SLC16A7: variants seen among roughly 807,000 people sequenced by gnomAD.
SLC16A7 encodes monocarboxylate transporter 2.
SLC16A7 carries 33 observed loss-of-function variants against 34.9 expected under a neutral mutation model. The observed-to-expected ratio is 0.94, with a 90% CI of 0.72 to 1.26. The LOEUF is 1.26. Ranked by LOEUF, SLC16A7 falls within the 50% of genes most tolerant of loss-of-function variation. The pLI is 0.00. For missense variants in SLC16A7, 573 were observed against 578.1 expected (o/e 0.99, Z 0.09); for synonymous variants, 201 against 206.6 (o/e 0.97, Z 0.23).
chr12:59,623,558 T>TAA (rs766533661), intron 1 of SLC16A7, among the ~76,000 whole-genome samples: 1 of 151,794 alleles, frequency 6.6e-6, no homozygotes, highest in Non-Finnish European at 1.5e-5. Flanking sequence ...TGTTGTCTTT[T>TAA]AAAAATTACA....
chr12:59,764,264 C>G (rs1881309862), intron 3 of SLC16A7, among the ~76,000 whole-genome samples: 1 of 152,156 alleles, frequency 6.6e-6, no homozygotes, highest in Non-Finnish European at 1.5e-5. Flanking sequence ...CCCTAACTGT[C>G]TTCAATTCTA....
chr12:59,643,825 C>A (rs75082035), intron 1 of SLC16A7, among the ~76,000 whole-genome samples: 1 of 152,112 alleles, frequency 6.6e-6, no homozygotes, highest in Non-Finnish European at 1.5e-5. Context: ...TGAAGAAAAT[C>A]GTGGTGTTAC....
chr12:59,765,552 G>A (rs1249444215), intron 3 of SLC16A7, among the ~76,000 whole-genome samples: 2 of 151,826 alleles, frequency 1.3e-5, no homozygotes, highest in East Asian at 3.9e-4. Flanking sequence ...TCTACATATG[G>A]CTAGCCAGTT....
chr12:59,633,797 C>A (rs1880297868), intron 1 of SLC16A7, among the ~76,000 whole-genome samples: 1 of 151,874 alleles, frequency 6.6e-6, no homozygotes, highest in African/African-American at 2.4e-5. Flanking sequence ...ACTTTAAAAC[C>A]ATCAGATCTC....
chr12:59,667,913 G>A (rs572912258), intron 2 of SLC16A7, among the ~76,000 whole-genome samples: 4 of 152,294 alleles, frequency 2.6e-5, no homozygotes, highest in Admixed American at 6.5e-5. Flanking sequence ...TGGCTAAAAC[G>A]GGCCAAGGTA....
At position 59,704,421 on chromosome 12, in the gene SLC16A7, T is replaced by C. The variant is rs1176579872; in HGVS notation, c.-30-351T>C. Among the ~76,000 whole-genome samples, 24 of 152,042 alleles carry C rather than the reference T, an allele frequency of 1.6e-4. 1 individual carries two copies. The highest frequency in any genetic ancestry group is 1.6e-3 in the Admixed American group (24 of 15,244). On this transcript the variant is annotated intron_variant, in intron 2 of 5. Coordinates refer to ENST00000547379, the MANE Select transcript of SLC16A7 (RefSeq NM_001270623.2). ...TATCAATTAATGAGGTTAAAACAAC[T>C]GGTGATTGAAGTAGAATATGTATCA... is the stretch of plus-strand genomic sequence containing the variant.
intron 1 of SLC16A7, among the ~76,000 whole-genome samples, chr12:59,611,820 A>C (rs1459840980): frequency 6.6e-6 from 1 of 152,232 alleles, no homozygotes; most frequent in Non-Finnish European, 1.5e-5. Context: ...ATTTAACCTT[A>C]AAGTTCCAAA....
intron 2 of SLC16A7, among the ~76,000 whole-genome samples, chr12:59,659,668 G>A (rs1868732220): frequency 6.6e-6 from 1 of 152,056 alleles, no homozygotes; most frequent in Non-Finnish European, 1.5e-5. Flanking sequence ...TGGGTATATG[G>A]TCAAATGGGG....
At chr12:59,649,326 G>T (rs1033518858) in intron 1 of SLC16A7, among the ~76,000 whole-genome samples, 1 of 152,174 alleles carries the variant, frequency 6.6e-6, no homozygotes, top group Non-Finnish European at 1.5e-5. Context: ...GTGTAAGCGA[G>T]GGATTGCGAA....
At position 59,756,006 on chromosome 12, in the gene SLC16A7, A is replaced by T. The variant is rs369601177; in HGVS notation, c.218-15213A>T. ...AACCTGACAAAAACAAGCAATGGGG[A>T]AAGGATTCCCTATTTAATAAACGGT... On this transcript the variant is annotated intron_variant, in intron 3 of 5. Transcript: ENST00000547379. Among the ~76,000 whole-genome samples the T allele has an allele frequency of 1.1e-4, 17 of 152,366 alleles. No individual in the cohort carries two copies. The East Asian group carries it at 3.3e-3, about 29-fold the overall frequency.
chr12:59,631,387 T>G (rs1322587831), intron 1 of SLC16A7, among the ~76,000 whole-genome samples: 1 of 151,902 alleles, frequency 6.6e-6, no homozygotes, highest in African/African-American at 2.4e-5. Context: ...AAAAGAGCAT[T>G]GGTACTGGAC....
At chr12:59,708,385 A>C (rs549366982) in intron 3 of SLC16A7, among the ~76,000 whole-genome samples, 2 of 152,146 alleles carry the variant, frequency 1.3e-5, no homozygotes, top group Non-Finnish European at 2.9e-5. Context: ...ACTTCACTTT[A>C]TATACAACAC....
chr12:59,665,739 TTA>T (rs200094395), intron 2 of SLC16A7, among the ~76,000 whole-genome samples: 2 of 151,188 alleles, frequency 1.3e-5, no homozygotes, highest in Admixed American at 6.6e-5. Flanking sequence ...TTACAGGAAT[TTA>T]TATATATATA....
chr12:59,718,564 C>G (rs1875193359), intron 3 of SLC16A7, among the ~76,000 whole-genome samples: 1 of 152,020 alleles, frequency 6.6e-6, no homozygotes, highest in Non-Finnish European at 1.5e-5. Context: ...TTTCTGAACT[C>G]TACTGATTAG....
rs868665937 is a variant in SLC16A7 at position 59,653,819 on chromosome 12, C to T, written c.-129-1333C>T. Among the ~76,000 whole-genome samples the T allele has an allele frequency of 1.9e-4, 29 of 151,682 alleles. 2 individuals carry two copies. Among genetic ancestry groups the T allele is most frequent in the African/African-American group, 6.5e-4 (27 of 41,490 alleles). On this transcript the variant is annotated intron_variant, in intron 1 of 5. Transcript: ENST00000547379. ...AATCGCGTAACATTACAAGTGCTATCGAAATGACCTCAGACTATTTCTGTT... is the reference window on the plus strand; with the variant it reads ...AATCGCGTAACATTACAAGTGCTATTGAAATGACCTCAGACTATTTCTGTT...
At chr12:59,731,054 G>A (rs993394302) in intron 3 of SLC16A7, among the ~76,000 whole-genome samples, 2 of 152,104 alleles carry the variant, frequency 1.3e-5, no homozygotes, top group Admixed American at 6.5e-5. Flanking sequence ...TTTATGCCAA[G>A]TATCTTTTTT....
intron 1 of SLC16A7, among the ~76,000 whole-genome samples, chr12:59,616,786 G>A (rs1442971086): frequency 6.6e-6 from 1 of 152,110 alleles, no homozygotes; most frequent in Non-Finnish European, 1.5e-5. Flanking sequence ...GGAGAACTAT[G>A]ATACATGTAA....
chr12:59,721,939 A>G (rs571459305), intron 3 of SLC16A7, among the ~76,000 whole-genome samples: 1 of 151,936 alleles, frequency 6.6e-6, no homozygotes, highest in South Asian at 2.1e-4. Flanking sequence ...TAAATTCTCA[A>G]TGTTCAAAAG....
chr12:59,617,053 T>C (rs571290193), intron 1 of SLC16A7, among the ~76,000 whole-genome samples: 1 of 152,182 alleles, frequency 6.6e-6, no homozygotes, highest in African/African-American at 2.4e-5. Flanking sequence ...TGAGTTAATA[T>C]TGTGGTGTAT....
Sources: allele counts gnomAD v4.1 joint callset (sites outside exome capture counted in the v4.1 genomes callset), GRCh38; gene constraint gnomAD v4.1.1; transcripts MANE v1.5; gene names NCBI Gene and HGNC (gene_info 2026-07-23, HGNC 2026-07-21).